Variants in TACR3 observed in about 807,000 individuals in gnomAD.
TACR3 encodes the protein neuromedin-K receptor.
Under a neutral mutation model 35.0 loss-of-function variants are expected in TACR3, and 34 were observed. That is an observed-to-expected ratio of 0.97 (90% CI 0.74 to 1.30). TACR3 has a LOEUF of 1.30. Among genes scored for constraint, TACR3 ranks in the 50% most tolerant of loss-of-function variants. TACR3 has a pLI of 0.00. For synonymous variants in TACR3, 233 were observed against 221.1 expected, an observed-to-expected ratio of 1.05 and a Z score of -0.48; for missense variants, 558 against 591.7, an observed-to-expected ratio of 0.94 and a Z score of 0.59.
intron 1 of TACR3, among the ~76,000 whole-genome samples, chr4:103,692,475 C>T (rs1050519446): frequency 2.0e-5 from 3 of 152,110 alleles, no homozygotes; most frequent in African/African-American, 7.2e-5. Context: ...ACATACCACT[C>T]TCAGTAGCCA....
chr4:103,663,398 G>A (rs1725874122), intron 1 of TACR3, among the ~76,000 whole-genome samples: 1 of 152,164 alleles, frequency 6.6e-6, no homozygotes, highest in African/African-American at 2.4e-5. Context: ...AGAGGTTGAG[G>A]TATGAGCATC....
At chr4:103,663,069 T>A (rs1725863366) in intron 1 of TACR3, among the ~76,000 whole-genome samples, 1 of 152,122 alleles carries the variant, frequency 6.6e-6, no homozygotes, top group African/African-American at 2.4e-5. Context: ...TAAGATGAAG[T>A]TATAGTACAG....
At chr4:103,658,463 A>AGTTTCAAAGGT in intron 1 of TACR3, 60 bp from the exon 2 acceptor site, 1 of 1,501,748 alleles carries the variant, frequency 6.7e-7, no homozygotes, top group Non-Finnish European at 9.2e-7. Flanking sequence ...TTTGAAATGG[A>AGTTTCAAAGGT]GTTTCAAAGG....
rs191170662 is a variant in TACR3, at chr4:103,640,440, A to G, written c.888+15754T>C. Among the ~76,000 whole-genome samples, 69 of 151,974 alleles carry G rather than the reference A, an allele frequency of 4.5e-4. No individual in the cohort carries two copies. The Middle Eastern group carries it at 0.01, about 22-fold the overall frequency. On this transcript the variant is annotated intron_variant, in intron 3 of 4. Coordinates refer to ENST00000304883, the MANE Select transcript of TACR3 (RefSeq NM_001059.3). Reference sequence around the variant, plus strand: ...AGTGATGTAGAGAGTTTTTTTTCACATATTTGTTGGCCATTTGTATACTTT... The same window carrying G: ...AGTGATGTAGAGAGTTTTTTTTCACGTATTTGTTGGCCATTTGTATACTTT...
intron 3 of TACR3, among the ~76,000 whole-genome samples, chr4:103,653,436 A>G (rs1560823195): frequency 6.6e-6 from 1 of 152,138 alleles, no homozygotes; most frequent in Non-Finnish European, 1.5e-5. Context: ...AAGAAAAACT[A>G]TAATCTACAA....
chr4:103,603,350 A>T (rs544726288), intron 3 of TACR3, among the ~76,000 whole-genome samples: 15 of 152,266 alleles, frequency 9.9e-5, no homozygotes, highest in African/African-American at 3.4e-4. Context: ...TTCCCGGGTG[A>T]GGTTATGCCT....
In TACR3 at chr4:103,719,882, C is replaced by A; in HGVS notation, c.-207G>T. On this transcript the variant is annotated 5_prime_UTR_variant, in exon 1 of 5. Coordinates refer to ENST00000304883, the MANE Select transcript of TACR3 (RefSeq NM_001059.3). ...AGCTGCACTTTCTCAGAGGCGCTTG[C>A]GGCTCTGGCAGGCAGAAAGAATGAG... is the stretch of plus-strand genomic sequence containing the variant. The A allele has an allele frequency of 1.6e-6, 1 of 631,282 alleles. No individual in the cohort carries two copies. Among genetic ancestry groups the A allele is most frequent in the Non-Finnish European group, 2.7e-6 (1 of 366,158 alleles). 39.1% of individuals were successfully genotyped at this position (631,282 alleles called of 1,614,324 possible).
intron 1 of TACR3, among the ~76,000 whole-genome samples, chr4:103,700,003 G>T (rs1459335904): frequency 6.6e-6 from 1 of 152,086 alleles, no homozygotes; most frequent in Non-Finnish European, 1.5e-5. Context: ...TTATTTCAGT[G>T]TGCCCCATAC....
chr4:103,663,982 T>TG (rs1725886906), intron 1 of TACR3, among the ~76,000 whole-genome samples: 1 of 152,230 alleles, frequency 6.6e-6, no homozygotes, highest in Non-Finnish European at 1.5e-5. Context: ...CTCATCACCA[T>TG]TCTTCCTTCA....
intron 3 of TACR3, among the ~76,000 whole-genome samples, chr4:103,598,758 A>G (rs1326513035): frequency 6.6e-6 from 1 of 152,080 alleles, no homozygotes; most frequent in Non-Finnish European, 1.5e-5. Flanking sequence ...AAGATCAGAT[A>G]TTTGTAGATA....
intron 3 of TACR3, among the ~76,000 whole-genome samples, chr4:103,603,702 T>G (rs1033320132): frequency 1.3e-5 from 2 of 152,222 alleles, no homozygotes; most frequent in African/African-American, 4.8e-5. Context: ...ATGGGATTGC[T>G]GGGTCAAATG....
At chr4:103,617,773 T>G (rs1238325463) in intron 3 of TACR3, among the ~76,000 whole-genome samples, 1 of 152,234 alleles carries the variant, frequency 6.6e-6, no homozygotes, top group African/African-American at 2.4e-5. Context: ...CAAACTGATT[T>G]ATTTTGAAAT....
intron 3 of TACR3, among the ~76,000 whole-genome samples, chr4:103,612,402 C>T (rs973936129): frequency 1.3e-5 from 2 of 152,158 alleles, no homozygotes; most frequent in African/African-American, 4.8e-5. Context: ...CAATTATTCT[C>T]TTTCATGGCT....
At chr4:103,592,133 A>G (rs541291279) in intron 3 of TACR3, among the ~76,000 whole-genome samples, 9 of 152,302 alleles carry the variant, frequency 5.9e-5, no homozygotes, top group African/African-American at 2.2e-4. Flanking sequence ...GTACTCTTCT[A>G]TAGCCTGACT....
chr4:103,650,672 A>G (rs1725578914), intron 3 of TACR3, among the ~76,000 whole-genome samples: 2 of 16,058 alleles, frequency 1.2e-4, no homozygotes, highest in South Asian at 1.4e-3. Flanking sequence ...ATAAATAAAT[A>G]TATATTATAT....
rs553444941 is a variant in TACR3 at position 103,717,226 on chromosome 4, GT to G, written c.548+1901del. Among the ~76,000 whole-genome samples the G allele has an allele frequency of 6.8e-3, 1,021 of 150,306 alleles. 7 individuals are homozygous for G. Among genetic ancestry groups the G allele is most frequent in the African/African-American group, 0.022 (905 of 40,994 alleles). On this transcript the variant is annotated intron_variant, in intron 1 of 4. Coordinates refer to ENST00000304883, the MANE Select transcript of TACR3 (RefSeq NM_001059.3). ...TTTTAAACAAGATTTCTGTATTTCTGTTTTTTTTTAATCAACTGTCTGCTCA... is the reference window on the plus strand; with the variant it reads ...TTTTAAACAAGATTTCTGTATTTCTGTTTTTTTTAATCAACTGTCTGCTCA...
intron 1 of TACR3, among the ~76,000 whole-genome samples, chr4:103,702,950 TAA>T (rs1331414062): frequency 6.6e-6 from 1 of 150,492 alleles, no homozygotes; most frequent in Non-Finnish European, 1.5e-5. Flanking sequence ...TACCTAATGT[TAA>T]AAGACAAGTT....
chr4:103,597,630 G>T (rs1724066890), intron 3 of TACR3, among the ~76,000 whole-genome samples: 1 of 145,946 alleles, frequency 6.9e-6, no homozygotes, highest in Admixed American at 7.0e-5. Flanking sequence ...AGAGTCCCCA[G>T]TGTGTGATGT....
At chr4:103,595,362 C>A in intron 3 of TACR3, among the ~76,000 whole-genome samples, 1 of 152,078 alleles carries the variant, frequency 6.6e-6, no homozygotes, top group South Asian at 2.1e-4. Context: ...TGGAAACTTA[C>A]AAGCAGGATA....
Sources: allele counts gnomAD v4.1 joint callset (sites outside exome capture counted in the v4.1 genomes callset), GRCh38; gene constraint gnomAD v4.1.1; transcripts MANE v1.5; gene names NCBI Gene and HGNC (gene_info 2026-07-23, HGNC 2026-07-21).